The following HDAC9 variants were observed in gnomAD, a reference collection of about 807,000 sequenced individuals.
The protein encoded by HDAC9 is histone deacetylase 9, also known as MEF-2 interacting transcription repressor (MITR) protein.
Under a neutral mutation model 139.4 loss-of-function variants are expected in HDAC9, and 41 were observed. That is an observed-to-expected ratio of 0.29 (90% CI 0.23 to 0.38). The LOEUF (loss-of-function observed/expected upper bound fraction) is 0.38, where lower values mean the gene tolerates loss of function less well. HDAC9 is among the 10% of genes least tolerant of loss of function. The pLI is 1.00. For synonymous variants in HDAC9, 517 were observed against 476.2 expected (o/e 1.09, Z -1.12); for missense variants, 1,147 against 1,297.0 (o/e 0.88, Z 1.78).
intron 1 of HDAC9, among the ~76,000 whole-genome samples, chr7:18,129,001 C>T (rs932617775): frequency 2.0e-5 from 3 of 152,082 alleles, no homozygotes; most frequent in Admixed American, 6.6e-5. Flanking sequence ...GAGCGCATTT[C>T]TCCTCATGTG....
At chr7:18,339,108 T>C (rs879266120) in intron 1 of HDAC9, among the ~76,000 whole-genome samples, 28 of 151,556 alleles carry the variant, frequency 1.8e-4, no homozygotes, top group Non-Finnish European at 2.2e-4. Flanking sequence ...AGTGACGTCA[T>C]TATTTCCATT....
intron 6 of HDAC9, among the ~76,000 whole-genome samples, chr7:18,620,441 C>T (rs1383273849): frequency 6.7e-6 from 1 of 149,928 alleles, no homozygotes; most frequent in Non-Finnish European, 1.5e-5. Context: ...TCCTGTTTGT[C>T]CTAGTATTAA....
intron 2 of HDAC9, among the ~76,000 whole-genome samples, chr7:18,187,294 A>G (rs1201144292): frequency 6.6e-6 from 1 of 152,220 alleles, no homozygotes; most frequent in African/African-American, 2.4e-5. Flanking sequence ...CTTATAAATG[A>G]GGATACTGAG....
chr7:18,810,600 C>A (rs994447244), intron 17 of HDAC9, among the ~76,000 whole-genome samples: 1 of 151,840 alleles, frequency 6.6e-6, no homozygotes, highest in African/African-American at 2.4e-5. Flanking sequence ...TGTCTTTTGA[C>A]AAATGTCTAT....
chr7:18,821,283 A>G (rs1008639429), intron 17 of HDAC9, among the ~76,000 whole-genome samples: 8 of 152,192 alleles, frequency 5.3e-5, no homozygotes, highest in South Asian at 2.1e-4. Flanking sequence ...TTTTGGAGGG[A>G]ACACATTTAA....
At chr7:18,091,160 A>T (rs934984530) in intron 1 of HDAC9, among the ~76,000 whole-genome samples, 2 of 152,196 alleles carry the variant, frequency 1.3e-5, no homozygotes, top group African/African-American at 4.8e-5. Context: ...TCCATTCCCT[A>T]AATTACAAAT....
Position 18,617,772 on chromosome 7 carries a change from A to G in HDAC9, c.665-11578A>G, listed in dbSNP as rs564592584. Reference sequence around the variant, plus strand: ...TCAGAGAGCTCATAATTGGCACTGAATAAATTTCTGTTATATGAGTAAATG... The same window carrying G: ...TCAGAGAGCTCATAATTGGCACTGAGTAAATTTCTGTTATATGAGTAAATG... On this transcript the variant is annotated intron_variant, in intron 6 of 25. Transcript: ENST00000686413. 1.8e-4 allele frequency among the ~76,000 whole-genome samples: 28 copies of G among 152,308 alleles called. No individual in the cohort carries two copies. In the East Asian group the frequency reaches 3.5e-3, roughly 19 times the overall value.
chr7:18,555,479 G>T (rs1818515972), intron 2 of HDAC9, among the ~76,000 whole-genome samples: 1 of 152,106 alleles, frequency 6.6e-6, no homozygotes, highest in Non-Finnish European at 1.5e-5. Flanking sequence ...TAGATGTGAT[G>T]AAATTATTCT....
chr7:18,339,213 C>G (rs1364728060), intron 1 of HDAC9, among the ~76,000 whole-genome samples: 1 of 151,118 alleles, frequency 6.6e-6, no homozygotes, highest in African/African-American at 2.4e-5. Flanking sequence ...AAATAATCAG[C>G]TTTTGATTTC....
chr7:18,936,187 T>C (rs1781620491), intron 23 of HDAC9, among the ~76,000 whole-genome samples: 1 of 152,230 alleles, frequency 6.6e-6, no homozygotes, highest in Non-Finnish European at 1.5e-5. Context: ...AATAAGAACA[T>C]TTTGTCTACT....
At chr7:18,185,748 A>G (rs1350466877) in intron 2 of HDAC9, among the ~76,000 whole-genome samples, 1 of 152,172 alleles carries the variant, frequency 6.6e-6, no homozygotes, top group African/African-American at 2.4e-5. Flanking sequence ...CTGTACATTA[A>G]TTTCCAAATG....
chr7:18,760,387 C>A (rs1267385094), intron 14 of HDAC9, among the ~76,000 whole-genome samples: 1 of 152,030 alleles, frequency 6.6e-6, no homozygotes, highest in African/African-American at 2.4e-5. Context: ...TTCTGGTCTC[C>A]CATAAACTTT....
At chr7:18,813,256 C>T (rs1794318900) in intron 17 of HDAC9, among the ~76,000 whole-genome samples, 1 of 152,072 alleles carries the variant, frequency 6.6e-6, no homozygotes, top group South Asian at 2.1e-4. Context: ...CTTAAAAGAG[C>T]TTGTTTCTTT....
intron 16 of HDAC9, chr7:18,793,048 A>G (rs1004220631): frequency 2.0e-5 from 7 of 348,952 alleles, no homozygotes; most frequent in African/African-American, 1.5e-4. Context: ...GCTGTTTGTA[A>G]TGAGAAATCT....
intron 23 of HDAC9, among the ~76,000 whole-genome samples, chr7:18,950,918 G>A (rs550826452): frequency 6.6e-6 from 1 of 152,058 alleles, no homozygotes; most frequent in East Asian, 1.9e-4. Context: ...TCCTTTGCTT[G>A]ATTGATGTAT....
chr7:18,124,783 C>T (rs1402726014), intron 1 of HDAC9, among the ~76,000 whole-genome samples: 2 of 152,140 alleles, frequency 1.3e-5, no homozygotes, highest in Non-Finnish European at 2.9e-5. Context: ...TTCTGCTTTC[C>T]ATATTGCCCA....
At chr7:18,740,093 C>G (rs968381470) in intron 13 of HDAC9, among the ~76,000 whole-genome samples, 4 of 152,242 alleles carry the variant, frequency 2.6e-5, no homozygotes, top group African/African-American at 9.6e-5. Flanking sequence ...GGAAGAGAAT[C>G]TCCTCGTCTG....
intron 1 of HDAC9, among the ~76,000 whole-genome samples, chr7:18,118,586 T>C (rs1227321948): frequency 6.6e-6 from 1 of 152,224 alleles, no homozygotes; most frequent in Non-Finnish European, 1.5e-5. Context: ...TTTAATGATA[T>C]AGTTGCTATT....
chr7:18,610,841 C>G (rs1265192527), intron 6 of HDAC9, among the ~76,000 whole-genome samples: 1 of 152,180 alleles, frequency 6.6e-6, no homozygotes, highest in African/African-American at 2.4e-5. Context: ...CTTTAATTTG[C>G]CTTTGCTGCT....
Sources: gnomAD v4.1 joint callset for allele counts (sites outside exome capture counted in the v4.1 genomes callset) on GRCh38, gnomAD v4.1.1 for gene constraint, MANE v1.5 for transcripts, NCBI Gene and HGNC (gene_info 2026-07-23, HGNC 2026-07-21) for gene names.